ISOC2: variants seen among roughly 807,000 people sequenced by gnomAD.
ISOC2 encodes the protein isochorismatase domain-containing protein 2.
In ISOC2, 15 loss-of-function variants were observed where a neutral mutation model predicts 19.3. The ratio of observed to expected loss-of-function variants is 0.78; its 90% CI spans 0.52 to 1.20. The LOEUF is 1.20. Among genes scored for constraint, ISOC2 ranks in the 50% most tolerant of loss-of-function variants. The probability of loss-of-function intolerance (pLI) is 0.00; values close to 1 mark genes in which losing one functional copy is unlikely to be tolerated. For synonymous variants in ISOC2, 106 were observed against 115.8 expected (o/e 0.92, Z 0.54); for missense variants, 285 against 272.4 (o/e 1.05, Z -0.33).
At chr19:55,456,787 A>G (rs762709555) in intron 1 of ISOC2, among the ~76,000 whole-genome samples, 1 of 152,062 alleles carries the variant, frequency 6.6e-6, no homozygotes, top group Non-Finnish European at 1.5e-5. Flanking sequence ...ACTGTGCACA[A>G]CGTCAAGGAG....
Position 55,455,672 on chromosome 19 carries a change from C to G in ISOC2, c.312G>C (p.Val104=), listed in dbSNP as rs1568458273. Residue 104 remains valine, a synonymous_variant, in exon 3 of 6, where the codon GTG becomes GTC. Coordinates refer to ENST00000425675, the MANE Select transcript of ISOC2 (RefSeq NM_001136201.2). ...ELDSRPQLRS[V]LLCGIEAQAC... Reference sequence around the variant, plus strand: ...CCTGTGCCTCAATGCCACAGAGCAGCACAGAGCGCAGCTGGGGCCGACTGT... The same window carrying G: ...CCTGTGCCTCAATGCCACAGAGCAGGACAGAGCGCAGCTGGGGCCGACTGT... The G allele has an allele frequency of 6.2e-7, 1 of 1,610,530 alleles. No homozygotes were observed. The highest frequency in any genetic ancestry group is 2.2e-5 in the East Asian group (1 of 44,794).
At chr19:55,460,544 G>C (rs1986200601) in intron 1 of ISOC2, among the ~76,000 whole-genome samples, 1 of 152,226 alleles carries the variant, frequency 6.6e-6, no homozygotes, top group South Asian at 2.1e-4. Context: ...CCAAAACCCG[G>C]CAAAACTGAT....
At chr19:55,456,547 G>C in intron 1 of ISOC2, 58 bp from the exon 2 acceptor site, 1 of 1,592,692 alleles carries the variant, frequency 6.3e-7, no homozygotes, top group South Asian at 1.1e-5. Context: ...AGTGTCTCCA[G>C]CTGGCGTCCA....
intron 1 of ISOC2, among the ~76,000 whole-genome samples, chr19:55,457,857 A>T (rs1443492316): frequency 6.6e-6 from 1 of 151,428 alleles, no homozygotes; most frequent in African/African-American, 2.4e-5. Context: ...AGAGAAAGAA[A>T]GCAGATGATT....
chr19:55,459,329 T>A (rs1986164439), intron 1 of ISOC2, among the ~76,000 whole-genome samples: 1 of 152,136 alleles, frequency 6.6e-6, no homozygotes. Context: ...GTTAAAATGG[T>A]CAATTTTATG....
intron 5 of ISOC2, 59 bp downstream of exon 5, chr19:55,454,930 C>T: frequency 7.7e-7 from 1 of 1,295,744 alleles, no homozygotes; most frequent in Non-Finnish European, 1.1e-6. Context: ...ATTCTCAGAG[C>T]CCAAAGACAA....
chr19:55,459,514 T>C (rs1986169160), intron 1 of ISOC2, among the ~76,000 whole-genome samples: 1 of 152,152 alleles, frequency 6.6e-6, no homozygotes, highest in Non-Finnish European at 1.5e-5. Flanking sequence ...AAAAATGATC[T>C]TTTCACAAAA....
intron 4 of ISOC2, 29 bp from the exon 5 acceptor site, chr19:55,455,135 T>TG: frequency 6.6e-7 from 1 of 1,515,532 alleles, no homozygotes; most frequent in Non-Finnish European, 9.2e-7. Context: ...GAGGGAAGGT[T>TG]GGTGTGGACG....
intron 1 of ISOC2, among the ~76,000 whole-genome samples, chr19:55,459,561 T>C (rs1188278960): frequency 6.6e-6 from 1 of 152,152 alleles, no homozygotes; most frequent in East Asian, 1.9e-4. Flanking sequence ...AACTGTCCCC[T>C]GACCCCCGTG....
rs1467716827 is a variant in ISOC2 at position 55,456,339 on chromosome 19, G to C, written c.138+10C>G. ...ATCCTGGGTCTGAGGGTGGGGGGCT[G>C]AGGTCATACCTTGAGCATGCGGGCA... is the stretch of plus-strand genomic sequence containing the variant. On this transcript the variant is annotated intron_variant, in intron 2 of 5. Transcript: ENST00000425675. The C allele has an allele frequency of 6.2e-7, 1 of 1,613,426 alleles. No individual in the cohort carries two copies. Among genetic ancestry groups the C allele is most frequent in the Admixed American group, 1.7e-5 (1 of 59,996 alleles).
At position 55,453,301 on chromosome 19, in the gene ISOC2, T is replaced by C. The variant is rs1314268291; in HGVS notation, c.*7A>G. 4.4e-6 allele frequency: 7 copies of C among 1,600,188 alleles called. No homozygotes were observed. The East Asian group carries it at 1.4e-4, about 31-fold the overall frequency. On this transcript the variant is annotated 3_prime_UTR_variant, in exon 6 of 6. Coordinates refer to ENST00000425675, the MANE Select transcript of ISOC2 (RefSeq NM_001136201.2). ...AGGGTGGTCTTCCCTCAAGGCAGGG[T>C]TGGAGTTCAGTGGAGGAGGGAGTTC... is the stretch of plus-strand genomic sequence containing the variant.
At chr19:55,460,423 G>C (rs575280964) in intron 1 of ISOC2, among the ~76,000 whole-genome samples, 1 of 152,324 alleles carries the variant, frequency 6.6e-6, no homozygotes, top group African/African-American at 2.4e-5. Context: ...AGGCACCGGG[G>C]AAGTCTGTAG....
chr19:55,459,491 A>C (rs1332091924), intron 1 of ISOC2, among the ~76,000 whole-genome samples: 2 of 152,146 alleles, frequency 1.3e-5, no homozygotes, highest in African/African-American at 4.8e-5. Flanking sequence ...TCTCCTAGAG[A>C]AACTGACGAC....
At chr19:55,460,772 T>C (rs1224131392) in intron 1 of ISOC2, among the ~76,000 whole-genome samples, 1 of 152,226 alleles carries the variant, frequency 6.6e-6, no homozygotes, top group Non-Finnish European at 1.5e-5. Context: ...GTGTTCAAAA[T>C]GCAAAATACA....
At chr19:55,454,889 TG>T in intron 5 of ISOC2, 99 bp downstream of exon 5, 1 of 881,510 alleles carries the variant, frequency 1.1e-6, no homozygotes, top group Non-Finnish European at 1.9e-6. Flanking sequence ...TGGCTCCCCC[TG>T]GAGGCGGCAG....
intron 1 of ISOC2, 95 bp from the exon 2 acceptor site, chr19:55,456,584 G>A: frequency 6.7e-7 from 1 of 1,496,122 alleles, no homozygotes; most frequent in East Asian, 2.3e-5. Context: ...GCCTGGCAGG[G>A]CCCGGGGCAC....
intron 1 of ISOC2, among the ~76,000 whole-genome samples, chr19:55,460,364 G>A (rs1986195234): frequency 6.6e-6 from 1 of 152,226 alleles, no homozygotes; most frequent in South Asian, 2.1e-4. Flanking sequence ...ATCTATATCT[G>A]CTATCTCTGG....
At chr19:55,461,313 C>A (rs1012703467) in intron 1 of ISOC2, among the ~76,000 whole-genome samples, 199 bp downstream of exon 1, 1 of 152,208 alleles carries the variant, frequency 6.6e-6, no homozygotes, top group African/African-American at 2.4e-5. Context: ...TGCCCACCCC[C>A]CAGCGCTGTT....
intron 1 of ISOC2, among the ~76,000 whole-genome samples, chr19:55,459,158 A>C (rs1377588424): frequency 6.6e-6 from 1 of 151,598 alleles, no homozygotes; most frequent in Non-Finnish European, 1.5e-5. Context: ...GCTGGTCTCG[A>C]ACTCCTGGGT....
Sources: gnomAD v4.1 joint callset for allele counts (sites outside exome capture counted in the v4.1 genomes callset) on GRCh38, gnomAD v4.1.1 for gene constraint, MANE v1.5 for transcripts, NCBI Gene and HGNC (gene_info 2026-07-23, HGNC 2026-07-21) for gene names.